The following CELF2 variants were observed in gnomAD, a reference collection of about 807,000 sequenced individuals.
CELF2 encodes CUGBP Elav-like family member 2, also known as CUG triplet repeat RNA-binding protein 2.
A neutral mutation model predicts 62.6 loss-of-function variants in CELF2; 8 were observed. That is an observed-to-expected ratio of 0.13 (90% CI 0.07 to 0.23). The LOEUF is 0.23. Among genes scored for constraint, CELF2 ranks in the 10% least tolerant of loss-of-function variants. The probability of loss-of-function intolerance (pLI) is 1.00; values close to 1 mark genes in which losing one functional copy is unlikely to be tolerated. For missense variants in CELF2, 333 were observed against 671.0 expected, an observed-to-expected ratio of 0.50 and a Z score of 5.56; for synonymous variants, 258 against 250.0, an observed-to-expected ratio of 1.03 and a Z score of -0.30.
At chr10:10,625,117 G>A in the CELF2 span, among the ~76,000 whole-genome samples, 8 of 151,914 alleles carry the variant, frequency 5.3e-5, no homozygotes, top group East Asian at 9.6e-4. Flanking sequence ...TCCCTGACTC[G>A]TTCTCAGTTT....
Position 11,224,132 on chromosome 10 carries a change from C to T in CELF2, c.354+6625C>T, listed in dbSNP as rs1182834237. 6.6e-6 allele frequency among the ~76,000 whole-genome samples: 1 copy of T among 152,182 alleles called. No homozygotes were observed. Among genetic ancestry groups the T allele is most frequent in the Non-Finnish European group, 1.5e-5 (1 of 68,032 alleles). On this transcript the variant is annotated intron_variant, in intron 3 of 12. Transcript: ENST00000633077. This position sits in a 1 kb window ranked among gnomAD's most constrained non-coding sequence, Gnocchi z 4.5. ...TGGTGCAAAGTTGAAAATGCCAGCA[C>T]AGGATTACAGTAGGGAATAGCCACA...
intron 1 of CELF2, among the ~76,000 whole-genome samples, chr10:10,836,657 T>G (rs2058312385): frequency 6.6e-6 from 1 of 152,228 alleles, no homozygotes; most frequent in Non-Finnish European, 1.5e-5. Context: ...TTTTATTTTT[T>G]TTGAGATGGA....
chr10:11,047,184 A>G (rs968229499), intron 1 of CELF2, among the ~76,000 whole-genome samples: 2 of 152,190 alleles, frequency 1.3e-5, no homozygotes, highest in East Asian at 1.9e-4. Flanking sequence ...AGAAGGGAAT[A>G]CAGTCCTATA....
At position 11,288,458 on chromosome 10, in the gene CELF2, T is replaced by C. The variant is rs770612841; in HGVS notation, c.882T>C (p.Ala294=). Residue 294 remains alanine (A), a synonymous_variant, in exon 9 of 13, where the codon GCT becomes GCC. Transcript: ENST00000633077. The stretch of plus-strand genomic sequence containing the variant: ...AGTTGCAGAACCTGGCGACGCTGGC[T>C]GCTGCTGCAGCTGCGGCCCAGACCT... ...ALQLQNLATL[A]AAAAAAQTSA... is the part of the protein sequence containing the mutation. 2.5e-6 allele frequency: 4 copies of C among 1,614,022 alleles called. No homozygotes were observed. The South Asian group carries it at 3.3e-5, about 13-fold the overall frequency.
At chr10:10,865,814 G>T (rs1189887147) in intron 1 of CELF2, among the ~76,000 whole-genome samples, 1 of 149,340 alleles carries the variant, frequency 6.7e-6, no homozygotes, top group Non-Finnish European at 1.5e-5. Context: ...AACTTAACTG[G>T]AAAAAAAAAG....
chr10:11,117,697 C>A lies in CELF2; in HGVS notation c.75-47789C>A, dbSNP rs1441370558. ...TCCAGGTGATGAATGACAAAATCAC[C>A]CAAGTATTTTTAAAATGTGTGACTC... On this transcript the variant is annotated intron_variant, in intron 1 of 12. Transcript: ENST00000633077. The surrounding 1 kb of genome is among the most constrained non-coding windows in gnomAD (Gnocchi z 4.1). Among the ~76,000 whole-genome samples, 1 of 152,088 alleles carries A rather than the reference C, an allele frequency of 6.6e-6. No individual in the cohort carries two copies. Among genetic ancestry groups the A allele is most frequent in the Non-Finnish European group, 1.5e-5 (1 of 68,012 alleles).
rs1374457892 is a variant in CELF2 at position 11,005,899 on chromosome 10, G to C, written c.53+459G>C. On this transcript the variant is annotated intron_variant, in intron 1 of 12. Coordinates refer to the CELF2 transcript ENST00000416382. The surrounding 1 kb of genome is among the most constrained non-coding windows in gnomAD (Gnocchi z 4.3). ...AATCTGGACTTAGCCTACCTAAATA[G>C]TCCTCCTGTGTTACCAGGTTTGGAT... Among the ~76,000 whole-genome samples the C allele has an allele frequency of 6.6e-6, 1 of 152,144 alleles. No homozygotes were observed. Among genetic ancestry groups the C allele is most frequent in the African/African-American group, 2.4e-5 (1 of 41,424 alleles).
the CELF2 span, among the ~76,000 whole-genome samples, chr10:10,488,866 A>G: frequency 6.6e-6 from 1 of 152,120 alleles, no homozygotes; most frequent in Non-Finnish European, 1.5e-5. Flanking sequence ...CAATGCAAGA[A>G]GGAGCTTGGG....
the CELF2 span, among the ~76,000 whole-genome samples, chr10:10,758,507 C>T: frequency 6.6e-6 from 1 of 152,216 alleles, no homozygotes; most frequent in South Asian, 2.1e-4. Context: ...ATGTATGATG[C>T]TGCTAGGCAA....
At chr10:10,904,787 C>T (rs193119157) in intron 1 of CELF2, among the ~76,000 whole-genome samples, 1 of 152,180 alleles carries the variant, frequency 6.6e-6, no homozygotes, top group Non-Finnish European at 1.5e-5. Context: ...CCATTTTACC[C>T]CACAACTGCT....
intron 11 of CELF2, 94 bp from the exon 12 acceptor site, chr10:11,325,742 C>G: frequency 8.9e-7 from 1 of 1,127,216 alleles, no homozygotes; most frequent in Non-Finnish European, 1.3e-6. Context: ...CAACTAAATG[C>G]TTAGCCTACC....
intron 3 of CELF2, among the ~76,000 whole-genome samples, chr10:11,221,161 C>G (rs1482233108): frequency 6.6e-6 from 1 of 152,216 alleles, no homozygotes; most frequent in Non-Finnish European, 1.5e-5. Flanking sequence ...GTTAGGCTGA[C>G]TTTTCCTACT....
At chr10:10,655,086 G>A in the CELF2 span, among the ~76,000 whole-genome samples, 8 of 150,500 alleles carry the variant, frequency 5.3e-5, no homozygotes, top group South Asian at 1.5e-3. Flanking sequence ...CAGACAAATA[G>A]AGAGCCAAAT....
rs1328754665 is a variant in CELF2 at position 10,997,417 on chromosome 10, C to T, written c.89+77418C>T. Among the ~76,000 whole-genome samples, 1 of 152,202 alleles carries T rather than the reference C, an allele frequency of 6.6e-6. No individual in the cohort carries two copies. The highest frequency in any genetic ancestry group is 1.9e-4 in the East Asian group (1 of 5,200). ...TTCCATCACATGATCATATGAATCA[C>T]CATATTGGTCTCACCTTCCAGGAAG... is the stretch of plus-strand genomic sequence containing the variant. On this transcript the variant is annotated intron_variant, in intron 2 of 13. Coordinates refer to the CELF2 transcript ENST00000636488. This position sits in a 1 kb window ranked among gnomAD's most constrained non-coding sequence, Gnocchi z 5.3.
the CELF2 span, among the ~76,000 whole-genome samples, chr10:10,649,163 C>A: frequency 6.6e-6 from 1 of 152,128 alleles, no homozygotes; most frequent in African/African-American, 2.4e-5. Flanking sequence ...CATAGATAAC[C>A]CAGCACACAT....
At chr10:10,635,122 C>CA in the CELF2 span, among the ~76,000 whole-genome samples, 1 of 152,182 alleles carries the variant, frequency 6.6e-6, no homozygotes, top group African/African-American at 2.4e-5. Context: ...GCTACCCTCA[C>CA]ACTCAAGGGG....
At chr10:11,144,900 GAAAAAAAAAAAAA>G (rs397846995) in intron 1 of CELF2, among the ~76,000 whole-genome samples, 3 of 74,100 alleles carry the variant, frequency 4.0e-5, no homozygotes, top group African/African-American at 1.6e-4. Flanking sequence ...TCAGGAAACA[GAAAAAAAAAAAAA>G]AAAAAAAAAA....
In CELF2 at chr10:10,887,716, TTGTC is replaced by T. The variant is rs542232489; in HGVS notation, c.54-32245_54-32242del. On this transcript the variant is annotated intron_variant, in intron 1 of 13. Transcript: ENST00000636488. ...GAACACTGAAACAAAACATTTAAAA[TTGTC>T]TGGGAAACTTTTCAGAGGAAAGAGG... 3.5e-4 allele frequency among the ~76,000 whole-genome samples: 54 copies of T among 152,300 alleles called. No individual in the cohort carries two copies. The South Asian group carries it at 9.1e-3, about 26-fold the overall frequency.
At chr10:10,744,239 G>C in the CELF2 span, among the ~76,000 whole-genome samples, 12 of 152,018 alleles carry the variant, frequency 7.9e-5, no homozygotes, top group Non-Finnish European at 1.3e-4. Context: ...TCCTCTCTGA[G>C]TTTAAAAAAA....
Sources: gnomAD v4.1 joint callset for allele counts (sites outside exome capture counted in the v4.1 genomes callset) on GRCh38, gnomAD v4.1.1 for gene constraint, Gnocchi (gnomAD v3.1) non-coding constraint, MANE v1.5 for transcripts, NCBI Gene and HGNC (gene_info 2026-07-23, HGNC 2026-07-21) for gene names.